The following CSMD3 variants were observed in gnomAD, a reference collection of about 807,000 sequenced individuals.
CSMD3 encodes the protein CUB and Sushi multiple domains 3.
A neutral mutation model predicts 435.2 loss-of-function variants in CSMD3; 177 were observed. The ratio of observed to expected loss-of-function variants is 0.41; its 90% CI spans 0.36 to 0.46. The LOEUF (loss-of-function observed/expected upper bound fraction) is 0.46. Among genes scored for constraint, CSMD3 ranks in the 20% least tolerant of loss-of-function variants. CSMD3 has a pLI of 0.34. For synonymous variants in CSMD3, 1,656 were observed against 1,520.5 expected (o/e 1.09, Z -2.07); for missense variants, 4,265 against 4,504.6 (o/e 0.95, Z 1.52).
chr8:112,425,936 T>G (rs1813023838), intron 32 of CSMD3, among the ~76,000 whole-genome samples: 1 of 152,156 alleles, frequency 6.6e-6, no homozygotes, highest in South Asian at 2.1e-4. Flanking sequence ...ACACTGAAGT[T>G]TGGACTCTAT....
chr8:113,084,437 TA>T (rs2089678710), intron 5 of CSMD3, among the ~76,000 whole-genome samples: 1 of 151,892 alleles, frequency 6.6e-6, no homozygotes, highest in African/African-American at 2.4e-5. Context: ...AATGTATTGA[TA>T]AAGAAATTGA....
At chr8:112,307,861 A>G (rs1586725728) in intron 50 of CSMD3, among the ~76,000 whole-genome samples, 1 of 152,158 alleles carries the variant, frequency 6.6e-6, no homozygotes, top group South Asian at 2.1e-4. Context: ...AATATTATAA[A>G]TGCTATGTAC....
At chr8:112,519,689 C>G (rs1190594786) in intron 27 of CSMD3, among the ~76,000 whole-genome samples, 1 of 152,166 alleles carries the variant, frequency 6.6e-6, no homozygotes, top group Admixed American at 6.6e-5. Context: ...TGAGCTGCCT[C>G]TCGATTCACA....
At chr8:112,302,167 C>T (rs935379459) in intron 52 of CSMD3, among the ~76,000 whole-genome samples, 1 of 151,428 alleles carries the variant, frequency 6.6e-6, no homozygotes, top group Non-Finnish European at 1.5e-5. Flanking sequence ...CTTTAAGTCC[C>T]CATAGAACCT....
chr8:113,151,417 A>G (rs1051860715), intron 4 of CSMD3, among the ~76,000 whole-genome samples: 4 of 151,978 alleles, frequency 2.6e-5, no homozygotes, highest in Non-Finnish European at 5.9e-5. Flanking sequence ...AACACCAGAA[A>G]TATACAAATA....
At chr8:113,349,971 A>T (rs2094178630) in intron 1 of CSMD3, among the ~76,000 whole-genome samples, 1 of 152,054 alleles carries the variant, frequency 6.6e-6, no homozygotes, top group Non-Finnish European at 1.5e-5. Flanking sequence ...CCTCTTGAGA[A>T]GCCTGGCAGT....
chr8:112,324,986 A>G (rs866648192), intron 45 of CSMD3, among the ~76,000 whole-genome samples: 2 of 152,234 alleles, frequency 1.3e-5, no homozygotes, highest in African/African-American at 4.8e-5. Flanking sequence ...ATGACCTCCA[A>G]GGGTTTCTAA....
chr8:112,483,401 G>C (rs759162558), intron 31 of CSMD3, among the ~76,000 whole-genome samples: 12 of 152,092 alleles, frequency 7.9e-5, no homozygotes, highest in Non-Finnish European at 1.6e-4. Context: ...GCTTAGGCAA[G>C]AGAACCAGGA....
chr8:113,423,611 A>T (rs2094620126), intron 1 of CSMD3, among the ~76,000 whole-genome samples: 1 of 151,964 alleles, frequency 6.6e-6, no homozygotes, highest in East Asian at 1.9e-4. Flanking sequence ...TTGTTATGTC[A>T]AATACATAAA....
intron 24 of CSMD3, among the ~76,000 whole-genome samples, chr8:112,571,012 T>G (rs978073883): frequency 6.6e-6 from 1 of 152,174 alleles, no homozygotes; most frequent in African/African-American, 2.4e-5. Flanking sequence ...TATTTTATTT[T>G]ATTTATTATT....
intron 59 of CSMD3, among the ~76,000 whole-genome samples, chr8:112,270,194 C>T (rs1381544256): frequency 6.6e-6 from 1 of 152,078 alleles, no homozygotes; most frequent in Non-Finnish European, 1.5e-5. Context: ...CTACTATGGC[C>T]AAGCATAGGG....
chr8:112,249,362 G>A (rs1815053924), intron 63 of CSMD3, among the ~76,000 whole-genome samples: 1 of 89,010 alleles, frequency 1.1e-5, no homozygotes. Context: ...TATGAAAACA[G>A]TGATAGCTGA....
chr8:112,289,613 A>C, intron 56 of CSMD3, 75 bp from the exon 57 acceptor site: 1 of 934,810 alleles, frequency 1.1e-6, no homozygotes, highest in Non-Finnish European at 1.6e-6. Context: ...ATGTTTATAG[A>C]ACATACCAGA....
At chr8:112,576,608 C>T (rs1025877346) in intron 23 of CSMD3, among the ~76,000 whole-genome samples, 3 of 151,760 alleles carry the variant, frequency 2.0e-5, no homozygotes, top group Admixed American at 6.6e-5. Context: ...TGACTCACTG[C>T]AGCCTCAACA....
chr8:113,004,489 C>A (rs2085981882), intron 6 of CSMD3, among the ~76,000 whole-genome samples: 2 of 152,048 alleles, frequency 1.3e-5, no homozygotes, highest in Non-Finnish European at 2.9e-5. Context: ...GTAGAGCAGG[C>A]TTAAAATGTT....
At chr8:113,053,147 C>T (rs1007810877) in intron 5 of CSMD3, among the ~76,000 whole-genome samples, 1 of 152,006 alleles carries the variant, frequency 6.6e-6, no homozygotes, top group Non-Finnish European at 1.5e-5. Context: ...TTTAACAAGT[C>T]CTTCTCAGGA....
Position 113,289,902 on chromosome 8 carries a change from T to C in CSMD3, c.402-11198A>G, listed in dbSNP as rs900711614. 2.6e-5 allele frequency among the ~76,000 whole-genome samples: 4 copies of C among 151,558 alleles called. No individual in the cohort carries two copies. In the East Asian group the frequency reaches 7.7e-4, roughly 29 times the overall value. ...AACTCAAAATTTATGGCTCCTTCTA[T>C]TTCCCAGAAAGGTAATATTAATTAG... On this transcript the variant is annotated intron_variant, in intron 2 of 70. Coordinates refer to ENST00000297405, the MANE Select transcript of CSMD3 (RefSeq NM_198123.2).
At chr8:113,031,652 C>T (rs1413561623) in intron 5 of CSMD3, among the ~76,000 whole-genome samples, 2 of 151,564 alleles carry the variant, frequency 1.3e-5, no homozygotes, top group Non-Finnish European at 3.0e-5. Flanking sequence ...CAATAAATGC[C>T]TGCAAAATTG....
At chr8:112,864,891 A>G (rs1415216282) in intron 10 of CSMD3, among the ~76,000 whole-genome samples, 1 of 152,168 alleles carries the variant, frequency 6.6e-6, no homozygotes, top group African/African-American at 2.4e-5. Context: ...GACAGAGTTG[A>G]TATTTTATAA....
Sources: gnomAD v4.1 joint callset for allele counts (sites outside exome capture counted in the v4.1 genomes callset) on GRCh38, gnomAD v4.1.1 for gene constraint, MANE v1.5 for transcripts, NCBI Gene and HGNC (gene_info 2026-07-23, HGNC 2026-07-21) for gene names.